Variants in LGSN observed in about 807,000 individuals in gnomAD.
The protein encoded by LGSN is lengsin, lens protein with glutamine synthetase domain.
Under a neutral mutation model 19.5 loss-of-function variants are expected in LGSN, and 21 were observed. The ratio of observed to expected loss-of-function variants is 1.07; its 90% CI spans 0.76 to 1.55. The LOEUF (loss-of-function observed/expected upper bound fraction) is 1.55, where lower values mean the gene tolerates loss of function less well. Among genes scored for constraint, LGSN ranks in the 40% most tolerant of loss-of-function variants. LGSN has a pLI of 0.00. For missense variants in LGSN, 673 were observed against 608.5 expected (o/e 1.11, Z -1.12); for synonymous variants, 257 against 215.6 (o/e 1.19, Z -1.68).
the LGSN span, among the ~76,000 whole-genome samples, chr6:63,340,797 T>C: frequency 6.6e-6 from 1 of 152,056 alleles, no homozygotes; most frequent in Non-Finnish European, 1.5e-5. Context: ...ACAGGACTAT[T>C]ATTTTCCTTT....
At chr6:63,426,262 C>T in the LGSN span, among the ~76,000 whole-genome samples, 1 of 152,234 alleles carries the variant, frequency 6.6e-6, no homozygotes, top group African/African-American at 2.4e-5. Flanking sequence ...TTGCTTTTCC[C>T]TTTGGAATTC....
the LGSN span, among the ~76,000 whole-genome samples, chr6:63,503,577 G>A: frequency 1.3e-4 from 20 of 152,222 alleles, no homozygotes; most frequent in Non-Finnish European, 2.8e-4. Context: ...CTTGGGCTAA[G>A]AAAGTATAGG....
chr6:63,546,546 A>T, the LGSN span, among the ~76,000 whole-genome samples: 1 of 152,208 alleles, frequency 6.6e-6, no homozygotes, highest in Non-Finnish European at 1.5e-5. Flanking sequence ...TCTCTACTAA[A>T]TACATAAAAA....
the LGSN span, among the ~76,000 whole-genome samples, chr6:63,413,831 T>C: frequency 2.0e-5 from 3 of 152,154 alleles, no homozygotes; most frequent in Admixed American, 1.3e-4. Flanking sequence ...CAGAATAGAG[T>C]TCCGATTATC....
chr6:63,282,790 T>C (rs1224212864), intron 3 of LGSN, among the ~76,000 whole-genome samples: 1 of 152,128 alleles, frequency 6.6e-6, no homozygotes, highest in East Asian at 1.9e-4. Context: ...ACATGTAAAC[T>C]TTATACACAC....
intron 2 of LGSN, among the ~76,000 whole-genome samples, chr6:63,293,023 G>C (rs968705690): frequency 6.6e-5 from 10 of 152,028 alleles, no homozygotes; most frequent in African/African-American, 1.7e-4. Flanking sequence ...AGTGGGGTAG[G>C]GGGGTAAGGT....
the LGSN span, among the ~76,000 whole-genome samples, chr6:63,487,242 T>A: frequency 2.6e-5 from 4 of 151,962 alleles, no homozygotes; most frequent in African/African-American, 4.8e-5. Context: ...AGTGCTGGGA[T>A]TACAGGCATG....
the LGSN span, chr6:63,572,475 A>C: frequency 2.6e-6 from 1 of 386,942 alleles, no homozygotes; most frequent in African/African-American, 2.1e-5. Context: ...TTGTGACGCA[A>C]GGGCGCCTCG....
the LGSN span, among the ~76,000 whole-genome samples, chr6:63,338,799 C>G: frequency 6.6e-6 from 1 of 152,056 alleles, no homozygotes; most frequent in African/African-American, 2.4e-5. Flanking sequence ...GTAATGTCAG[C>G]ATTTATTGCT....
chr6:63,285,463 TAA>T, intron 3 of LGSN, 122 bp downstream of exon 3: 1 of 769,102 alleles, frequency 1.3e-6, no homozygotes, highest in Non-Finnish European at 2.0e-6. Flanking sequence ...AGAAACAAAA[TAA>T]GTTATTGATT....
chr6:63,299,339 G>T (rs956759830), intron 1 of LGSN, among the ~76,000 whole-genome samples: 6 of 152,104 alleles, frequency 3.9e-5, no homozygotes, highest in Non-Finnish European at 7.4e-5. Context: ...TCTTATCATT[G>T]ACTTACATTT....
chr6:63,511,663 C>G, the LGSN span, among the ~76,000 whole-genome samples: 47,522 of 151,994 alleles, frequency 0.31, 7,644 homozygotes, highest in Admixed American at 0.39. Flanking sequence ...TTATAGACCC[C>G]CAAATCTAAC....
chr6:63,325,264 A>T, the LGSN span, among the ~76,000 whole-genome samples: 96 of 152,298 alleles, frequency 6.3e-4, no homozygotes, highest in African/African-American at 1.9e-3. Flanking sequence ...GCAGAACTCA[A>T]TGAGATAGAA....
the LGSN span, among the ~76,000 whole-genome samples, chr6:63,547,956 AC>A: frequency 1.3e-5 from 2 of 152,062 alleles, no homozygotes. Flanking sequence ...CCATTATCTC[AC>A]CATTTCATAT....
chr6:63,495,717 C>T, the LGSN span, among the ~76,000 whole-genome samples: 8 of 151,216 alleles, frequency 5.3e-5, no homozygotes, highest in Non-Finnish European at 7.4e-5. Flanking sequence ...ACCAAAGTGC[C>T]GGGATTATAG....
chr6:63,512,144 G>A, the LGSN span, among the ~76,000 whole-genome samples: 2 of 151,804 alleles, frequency 1.3e-5, no homozygotes, highest in East Asian at 1.9e-4. Flanking sequence ...GTGCAGTGGT[G>A]TGATCTCGGC....
the LGSN span, among the ~76,000 whole-genome samples, chr6:63,557,046 A>G: frequency 6.6e-6 from 1 of 152,222 alleles, no homozygotes; most frequent in African/African-American, 2.4e-5. Flanking sequence ...CTAGTTTCTT[A>G]TTAAATACTT....
the LGSN span, among the ~76,000 whole-genome samples, chr6:63,453,723 G>T: frequency 6.6e-6 from 1 of 151,838 alleles, no homozygotes; most frequent in East Asian, 1.9e-4. Context: ...GCGGGATCTC[G>T]GCTCACTGCA....
chr6:63,400,933 G>T, the LGSN span, among the ~76,000 whole-genome samples: 1 of 152,088 alleles, frequency 6.6e-6, no homozygotes, highest in Non-Finnish European at 1.5e-5. Context: ...GGTGGAGGTT[G>T]CAGCGAGCTG....
Sources: gnomAD v4.1 joint callset for allele counts (sites outside exome capture counted in the v4.1 genomes callset) on GRCh38, gnomAD v4.1.1 for gene constraint, MANE v1.5 for transcripts, NCBI Gene and HGNC (gene_info 2026-07-23, HGNC 2026-07-21) for gene names.